The following PLA2G4C variants were observed in gnomAD, a reference collection of about 807,000 sequenced individuals.
PLA2G4C encodes phospholipase A2 group IVC, also known as cytosolic phospholipase A2 gamma.
PLA2G4C carries 64 observed loss-of-function variants against 73.8 expected under a neutral mutation model. The observed-to-expected ratio is 0.87, with a 90% CI of 0.71 to 1.07. The LOEUF (loss-of-function observed/expected upper bound fraction) is 1.07. Among genes scored for constraint, PLA2G4C ranks in the 50% least tolerant of loss-of-function variants. The probability of loss-of-function intolerance (pLI) is 0.00; values close to 1 mark genes in which losing one functional copy is unlikely to be tolerated. For missense variants in PLA2G4C, 622 were observed against 665.4 expected (o/e 0.93, Z 0.72); for synonymous variants, 254 against 252.1 (o/e 1.01, Z -0.07).
intron 11 of PLA2G4C, among the ~76,000 whole-genome samples, chr19:48,075,450 G>C (rs2030086945): frequency 6.6e-6 from 1 of 151,990 alleles, no homozygotes; most frequent in South Asian, 2.1e-4. Context: ...GCCTCCCAAA[G>C]TGCTGGGATT....
At chr19:48,107,272 G>T (rs796468630) in intron 1 of PLA2G4C, among the ~76,000 whole-genome samples, 2 of 152,212 alleles carry the variant, frequency 1.3e-5, no homozygotes, top group East Asian at 3.9e-4. Flanking sequence ...CTGGGAGCGG[G>T]TCTCAGGACC....
chr19:48,064,526 A>C (rs1968337434), intron 13 of PLA2G4C, among the ~76,000 whole-genome samples: 2 of 139,676 alleles, frequency 1.4e-5, no homozygotes, highest in South Asian at 4.2e-4. Context: ...TGTTCTCAAG[A>C]TATCAGGATA....
Position 48,088,383 on chromosome 19 carries a change from AAC to A in PLA2G4C, c.790+301_790+302del, listed in dbSNP as rs1491288603. On this transcript the variant is annotated intron_variant, in intron 9 of 16. Transcript: ENST00000599921. ...CCTTAAGCGGAAAAAAGAAAAAAAA[AAC>A]ACAGTCAAATCCAACATAAATTCAA... 1.0e-3 allele frequency among the ~76,000 whole-genome samples: 158 copies of A among 152,068 alleles called. 1 individual carries two copies. Among genetic ancestry groups the A allele is most frequent in the Non-Finnish European group, 1.9e-3 (129 of 67,974 alleles).
intron 10 of PLA2G4C, among the ~76,000 whole-genome samples, chr19:48,081,785 A>C (rs567705709): frequency 1.3e-5 from 2 of 148,740 alleles, no homozygotes; most frequent in East Asian, 4.0e-4. Flanking sequence ...AAACAAAAAA[A>C]CACTACACAT....
Position 48,110,723 on chromosome 19 carries a change from G to A in PLA2G4C, c.-269C>T, listed in dbSNP as rs1389564070. ...GCTGGAGGTGTTTCCTCCTGGTCCT[G>A]AGCAGGGCCAACCTGGAGGTAAAAT... On this transcript the variant is annotated 5_prime_UTR_variant, in exon 1 of 17. Transcript: ENST00000599921. 26 of 462,182 alleles carry A rather than the reference G, an allele frequency of 5.6e-5. No homozygotes were observed. The highest frequency in any genetic ancestry group is 8.8e-5 in the Admixed American group (2 of 22,694). 28.6% of individuals were successfully genotyped at this position (462,182 alleles called of 1,614,324 possible).
At chr19:48,075,162 A>ATTTT (rs1469864700) in intron 11 of PLA2G4C, among the ~76,000 whole-genome samples, 81 of 136,616 alleles carry the variant, frequency 5.9e-4, no homozygotes, top group African/African-American at 2.1e-3. Context: ...CCATTTATTT[A>ATTTT]TTTATTTATT....
chr19:48,048,475 T>C (rs1967603883), intron 16 of PLA2G4C, 87 bp from the exon 17 acceptor site: 2 of 794,426 alleles, frequency 2.5e-6, no homozygotes, highest in Non-Finnish European at 2.0e-6. Flanking sequence ...TGGAAGCCTC[T>C]ACAGGTCATA....
chr19:48,076,743 C>T (rs1253290171), intron 11 of PLA2G4C, among the ~76,000 whole-genome samples: 2 of 112,102 alleles, frequency 1.8e-5, no homozygotes, highest in Admixed American at 2.0e-4. Flanking sequence ...ACTCTGTCTC[C>T]AAAAAAAAAA....
intron 13 of PLA2G4C, among the ~76,000 whole-genome samples, chr19:48,067,565 T>A (rs754407852): frequency 7.2e-5 from 11 of 152,154 alleles, no homozygotes; most frequent in Non-Finnish European, 1.0e-4. Context: ...TCAGTGAGGC[T>A]TTTCACGATG....
In PLA2G4C at chr19:48,105,463, A is replaced by G. The variant is rs374975417; in HGVS notation, c.9-19T>C. On this transcript the variant is annotated intron_variant, in intron 2 of 16. Transcript: ENST00000599921. ...TTCAGAGCTTCCCAGGAGAAAACACAAAGAAGTCCAGAAAATTCACAGGGA... is the reference window on the plus strand; with the variant it reads ...TTCAGAGCTTCCCAGGAGAAAACACGAAGAAGTCCAGAAAATTCACAGGGA... 240 of 1,577,210 alleles carry G rather than the reference A, an allele frequency of 1.5e-4. No homozygotes were observed. The Middle Eastern group carries it at 2.8e-3, about 19-fold the overall frequency.
At chr19:48,057,032 A>G (rs1424368965) in intron 14 of PLA2G4C, among the ~76,000 whole-genome samples, 1 of 151,996 alleles carries the variant, frequency 6.6e-6, no homozygotes, top group East Asian at 1.9e-4. Context: ...ACTAATGGGT[A>G]CTAGGCTTAA....
intron 14 of PLA2G4C, among the ~76,000 whole-genome samples, chr19:48,058,207 G>T (rs926652353): frequency 1.1e-4 from 16 of 152,042 alleles, no homozygotes; most frequent in African/African-American, 3.9e-4. Flanking sequence ...GCTGAGGCAG[G>T]AGAATCGCTT....
chr19:48,097,377 C>T (rs1014760082), intron 6 of PLA2G4C, among the ~76,000 whole-genome samples: 16 of 149,528 alleles, frequency 1.1e-4, no homozygotes, highest in Non-Finnish European at 1.8e-4. Context: ...CTCAGCCTCC[C>T]GAGCAGCTGG....
intron 3 of PLA2G4C, among the ~76,000 whole-genome samples, chr19:48,105,072 G>A (rs2032098412): frequency 8.8e-6 from 1 of 113,848 alleles, no homozygotes; most frequent in Non-Finnish European, 1.7e-5. Context: ...GACAGAGCGA[G>A]ACGTTGTCTC....
chr19:48,098,390 A>T, intron 5 of PLA2G4C, 131 bp from the exon 6 acceptor site: 2 of 762,190 alleles, frequency 2.6e-6, no homozygotes, highest in Non-Finnish European at 4.0e-6. Flanking sequence ...CAGTGGTACA[A>T]TAATGGGCCA....
rs11564534 is a variant in PLA2G4C, at chr19:48,099,694, C to A, written c.424G>T (p.Val142Phe). The change falls in exon 5 of 17, where the codon GTT (valine) becomes TTT (phenylalanine). Residue 142 changes from valine to phenylalanine, a missense_variant. Transcript: ENST00000599921. ...ACTTCTCTGGTTTGCTTAGAGATAACCATGTAGGCCCAGAAGTCGGTCAGA... is the reference window on the plus strand; with the variant it reads ...ACTTCTCTGGTTTGCTTAGAGATAAACATGTAGGCCCAGAAGTCGGTCAGA... ...YSLTDFWAYM[V>F]ISKQTRELPE... 18,577 of 1,613,696 alleles carry A rather than the reference C, an allele frequency of 0.012. 124 individuals carry two copies. Among genetic ancestry groups the A allele is most frequent in the Non-Finnish European group, 0.013 (15,896 of 1,179,814 alleles).
rs1568457404 is a variant in PLA2G4C, at chr19:48,105,920, TCC to T, written c.9-478_9-477del. On this transcript the variant is annotated intron_variant, in intron 2 of 16. Coordinates refer to ENST00000599921, the MANE Select transcript of PLA2G4C (RefSeq NM_003706.3). The stretch of plus-strand genomic sequence containing the variant: ...CTCCCTCCCTCCCTCCCTCCCTCCC[TCC>T]CTCCCTCCCTCCCTCCCTCCCTCCC... Among the ~76,000 whole-genome samples the T allele has an allele frequency of 7.0e-3, 116 of 16,522 alleles. 20 individuals carry two copies. Among genetic ancestry groups the T allele is most frequent in the African/African-American group, 0.041 (85 of 2,080 alleles). 10.8% of individuals were successfully genotyped at this position (16,522 alleles called of 152,430 possible).
chr19:48,104,793 G>T, intron 3 of PLA2G4C, 69 bp from the exon 4 acceptor site: 1 of 1,525,050 alleles, frequency 6.6e-7, no homozygotes, highest in Non-Finnish European at 9.0e-7. Context: ...AAGAAGAAGG[G>T]TACCTGGGGC....
chr19:48,105,192 G>T, intron 3 of PLA2G4C, 141 bp downstream of exon 3: 1 of 564,540 alleles, frequency 1.8e-6, no homozygotes. Context: ...CTGTCCCATA[G>T]AAGTTCATAT....
Sources: gnomAD v4.1 joint callset for allele counts (sites outside exome capture counted in the v4.1 genomes callset) on GRCh38, gnomAD v4.1.1 for gene constraint, MANE v1.5 for transcripts, NCBI Gene and HGNC (gene_info 2026-07-23, HGNC 2026-07-21) for gene names.